PTGER3: variants seen among roughly 807,000 people sequenced by gnomAD.
PTGER3 encodes the protein prostaglandin E receptor 3, also known as prostaglandin E2 receptor EP3 subtype.
Under a neutral mutation model 34.7 loss-of-function variants are expected in PTGER3, and 22 were observed. The ratio of observed to expected loss-of-function variants is 0.63; its 90% CI spans 0.45 to 0.91. The LOEUF (loss-of-function observed/expected upper bound fraction) is 0.91. Among genes scored for constraint, PTGER3 ranks in the 40% least tolerant of loss-of-function variants. PTGER3 has a pLI of 0.00. For missense variants in PTGER3, 468 were observed against 519.4 expected (o/e 0.90, Z 0.96); for synonymous variants, 241 against 230.1 (o/e 1.05, Z -0.43).
chr1:70,855,844 T>C (rs1036624918), intron 4 of PTGER3, among the ~76,000 whole-genome samples: 5 of 152,198 alleles, frequency 3.3e-5, no homozygotes, highest in Admixed American at 1.3e-4. Flanking sequence ...GACAATCATA[T>C]TAACTAGTCC....
rs1455049710 is a variant in PTGER3, at chr1:71,047,737, C to G, written c.-160G>C. On this transcript the variant is annotated 5_prime_UTR_variant, in exon 1 of 4. Coordinates refer to ENST00000306666, the MANE Select transcript of PTGER3 (RefSeq NM_198719.2). ...CGCCGCCCTACTCCGCTGCTGGGAC[C>G]GCGGCCGCGGCGGCGCCAGGGCTCA... 4.3e-6 allele frequency: 3 copies of G among 702,990 alleles called. No individual in the cohort carries two copies. Among genetic ancestry groups the G allele is most frequent in the Non-Finnish European group, 5.9e-6 (3 of 506,614 alleles). 43.5% of individuals were successfully genotyped at this position (702,990 alleles called of 1,614,324 possible).
At chr1:71,008,487 C>G (rs1657165948) in intron 2 of PTGER3, 3 of 917,602 alleles carry the variant, frequency 3.3e-6, no homozygotes, top group Non-Finnish European at 3.9e-6. Context: ...ATTCTTTTAT[C>G]ATCATCACCA....
chr1:70,852,680 C>A lies in PTGER3; in HGVS notation c.*203G>T, dbSNP rs1645707217. Reference sequence around the variant, plus strand: ...TACAAAAACATGTATGGAAACAGGACATAACAGCTTCTGGATAACAGTTAT... The same window carrying A: ...TACAAAAACATGTATGGAAACAGGAAATAACAGCTTCTGGATAACAGTTAT... On this transcript the variant is annotated 3_prime_UTR_variant, in exon 5 of 5. Transcript: ENST00000370931. The A allele has an allele frequency of 3.0e-5, 25 of 836,454 alleles. No individual in the cohort carries two copies. The South Asian group carries it at 3.7e-4, about 12-fold the overall frequency. 51.8% of individuals were successfully genotyped at this position (836,454 alleles called of 1,614,324 possible). A position where few individuals can be genotyped will look rare whatever the true frequency, so the allele number is the denominator to read the frequency against.
intron 1 of PTGER3, among the ~76,000 whole-genome samples, chr1:71,045,682 C>T (rs546656235): frequency 1.3e-5 from 2 of 152,268 alleles, no homozygotes; most frequent in South Asian, 2.1e-4. Flanking sequence ...GGAGCTAGGA[C>T]ATGGAGAAAC....
intron 4 of PTGER3, among the ~76,000 whole-genome samples, chr1:70,906,274 A>AAGTTTG (rs1646946040): frequency 6.6e-6 from 1 of 152,182 alleles, no homozygotes; most frequent in African/African-American, 2.4e-5. Context: ...AACTTTGAAA[A>AAGTTTG]CTGTAAGGAC....
At chr1:70,891,886 G>A (rs1416377091) in intron 4 of PTGER3, among the ~76,000 whole-genome samples, 1 of 152,214 alleles carries the variant, frequency 6.6e-6, no homozygotes, top group Non-Finnish European at 1.5e-5. Context: ...ATGTATGAGA[G>A]ACATGTGCCA....
At chr1:70,982,331 G>A (rs1009490042) in intron 2 of PTGER3, among the ~76,000 whole-genome samples, 2 of 152,114 alleles carry the variant, frequency 1.3e-5, no homozygotes, top group African/African-American at 4.8e-5. Context: ...ATTTGTGATT[G>A]GACTGCAGTA....
At chr1:71,031,261 C>T (rs959969596) in intron 1 of PTGER3, among the ~76,000 whole-genome samples, 1 of 151,824 alleles carries the variant, frequency 6.6e-6, no homozygotes, top group Admixed American at 6.6e-5. Flanking sequence ...CACACACACA[C>T]ACACACACAC....
chr1:71,033,038 T>C (rs1271900945), intron 1 of PTGER3, among the ~76,000 whole-genome samples: 2 of 152,154 alleles, frequency 1.3e-5, no homozygotes, highest in African/African-American at 4.8e-5. Flanking sequence ...CTGATTCATG[T>C]CTCAGAAAAA....
At chr1:70,896,041 A>C (rs1331474397) in intron 4 of PTGER3, among the ~76,000 whole-genome samples, 1 of 152,236 alleles carries the variant, frequency 6.6e-6, no homozygotes, top group African/African-American at 2.4e-5. Context: ...TTGCAGTGAA[A>C]TGATAACATT....
chr1:70,972,285 T>A (rs752769987), intron 3 of PTGER3, among the ~76,000 whole-genome samples: 5 of 152,140 alleles, frequency 3.3e-5, no homozygotes, highest in African/African-American at 1.2e-4. Context: ...ATCATGCCAC[T>A]GCACTCCAGC....
chr1:70,978,319 C>T (rs918817644), intron 2 of PTGER3, among the ~76,000 whole-genome samples: 2 of 152,150 alleles, frequency 1.3e-5, no homozygotes, highest in Non-Finnish European at 2.9e-5. Context: ...AACCTCCCCC[C>T]ACTTTTTATG....
At position 71,027,520 on chromosome 1, in the gene PTGER3, A is replaced by G. The variant is rs150975105; in HGVS notation, c.898-15036T>C. On this transcript the variant is annotated intron_variant, in intron 1 of 3. Coordinates refer to ENST00000306666, the MANE Select transcript of PTGER3 (RefSeq NM_198719.2). ...TTTGCAGGAATTGGCAAATAGATCT[A>G]TTGAGACTTGGAACTATCCGGTTCC... 5.3e-3 allele frequency among the ~76,000 whole-genome samples: 800 copies of G among 152,330 alleles called. 6 individuals carry two copies. The highest frequency in any genetic ancestry group is 0.018 in the African/African-American group (756 of 41,574).
intron 2 of PTGER3, among the ~76,000 whole-genome samples, chr1:70,983,715 C>T (rs1185647733): frequency 6.6e-6 from 1 of 151,980 alleles, no homozygotes; most frequent in Non-Finnish European, 1.5e-5. Context: ...TTATGTGCTC[C>T]CAGCTCTATA....
At chr1:70,902,329 C>A (rs959427876) in intron 4 of PTGER3, among the ~76,000 whole-genome samples, 6 of 152,038 alleles carry the variant, frequency 3.9e-5, no homozygotes, top group African/African-American at 1.5e-4. Context: ...AGGTGCCATG[C>A]AGTTCTACAC....
In PTGER3 at chr1:70,970,967, G is replaced by T; in HGVS notation, c.*763C>A. On this transcript the variant is annotated 3_prime_UTR_variant, in exon 4 of 4. Transcript: ENST00000306666. ...CATGGTGAATCAGAAGGCCTACCTG[G>T]ATTTTTTTATCACTCTAACTGCGCA... 1 of 985,320 alleles carries T rather than the reference G, an allele frequency of 1.0e-6. No homozygotes were observed. Among genetic ancestry groups the T allele is most frequent in the Non-Finnish European group, 1.2e-6 (1 of 829,910 alleles). The allele number at this position is 985,320 out of a possible 1,614,324, so 61.0% of individuals were successfully genotyped here. A position where few individuals can be genotyped will look rare whatever the true frequency, so the allele number is the denominator to read the frequency against.
At chr1:70,927,825 C>G (rs940322445) in intron 4 of PTGER3, among the ~76,000 whole-genome samples, 1 of 152,022 alleles carries the variant, frequency 6.6e-6, no homozygotes, top group Non-Finnish European at 1.5e-5. Flanking sequence ...CCAGATACAT[C>G]AAGTAAAATA....
At chr1:70,952,660 T>C in exon 4 of PTGER3, 1 of 1,110,408 alleles carries the variant, frequency 9.0e-7, no homozygotes, top group Middle Eastern at 4.0e-4. Context: ...TCTTGGCAAT[T>C]CTGAACCATG....
At chr1:71,026,342 G>A (rs1658922521) in intron 1 of PTGER3, among the ~76,000 whole-genome samples, 1 of 152,106 alleles carries the variant, frequency 6.6e-6, no homozygotes, top group Non-Finnish European at 1.5e-5. Context: ...GCAACACATA[G>A]GTGGCAGCTG....
Sources: allele counts gnomAD v4.1 joint callset (sites outside exome capture counted in the v4.1 genomes callset), GRCh38; gene constraint gnomAD v4.1.1; transcripts MANE v1.5; gene names NCBI Gene and HGNC (gene_info 2026-07-23, HGNC 2026-07-21).